SORL1: variants seen among roughly 807,000 people sequenced by gnomAD.
SORL1 encodes sortilin related receptor 1, also known as sortilin-related receptor.
A neutral mutation model predicts 273.7 loss-of-function variants in SORL1; 127 were observed. The ratio of observed to expected loss-of-function variants is 0.46; its 90% CI spans 0.40 to 0.54. The LOEUF (loss-of-function observed/expected upper bound fraction) is 0.54. Ranked by LOEUF, SORL1 falls within the 20% of genes least tolerant of loss-of-function variation. The probability of loss-of-function intolerance (pLI) is 0.00; values close to 1 mark genes in which losing one functional copy is unlikely to be tolerated. For synonymous variants in SORL1, 1,031 were observed against 1,067.4 expected, an observed-to-expected ratio of 0.97 and a Z score of 0.66; for missense variants, 2,494 against 2,846.1, an observed-to-expected ratio of 0.88 and a Z score of 2.81.
At chr11:121,470,932 G>A (rs966913246) in intron 2 of SORL1, among the ~76,000 whole-genome samples, 22 of 152,030 alleles carry the variant, frequency 1.4e-4, no homozygotes, top group African/African-American at 5.3e-4. Context: ...CAAACAATCC[G>A]CCTGCCTCGG....
chr11:121,605,073 G>A (rs1405813200), intron 33 of SORL1, 40 bp from the exon 34 acceptor site: 2 of 1,577,296 alleles, frequency 1.3e-6, no homozygotes, highest in South Asian at 2.3e-5. Context: ...GCCCAGCCAA[G>A]ATGTAACTTT....
chr11:121,587,539 A>G (rs1455580937), intron 27 of SORL1, among the ~76,000 whole-genome samples: 1 of 152,180 alleles, frequency 6.6e-6, no homozygotes, highest in Non-Finnish European at 1.5e-5. Flanking sequence ...TAAAGGCCCT[A>G]TCTCCAAATA....
Position 121,595,009 on chromosome 11 carries a change from C to T in SORL1, c.4370-614C>T, listed in dbSNP as rs150406312. On this transcript the variant is annotated intron_variant, in intron 31 of 47. Transcript: ENST00000260197. This position sits in a 1 kb window ranked among gnomAD's most constrained non-coding sequence, Gnocchi z 5.1. The stretch of plus-strand genomic sequence containing the variant: ...GACTTCCATATGTAGGTTTAATCCC[C>T]CTTTTATCAGTAGGATATACTTGCT... Among the ~76,000 whole-genome samples, 186 of 152,272 alleles carry T rather than the reference C, an allele frequency of 1.2e-3. 1 individual carries two copies. Among genetic ancestry groups the T allele is most frequent in the African/African-American group, 4.2e-3 (174 of 41,544 alleles).
intron 5 of SORL1, among the ~76,000 whole-genome samples, chr11:121,493,658 C>T (rs932279260): frequency 8.5e-5 from 13 of 152,116 alleles, no homozygotes; most frequent in South Asian, 2.1e-4. Flanking sequence ...TGAGATAGAT[C>T]GTATGTGTGT....
At chr11:121,609,438 A>G (rs980876181) in intron 38 of SORL1, 3 of 152,228 alleles carry the variant, frequency 2.0e-5, no homozygotes, top group East Asian at 1.9e-4. Flanking sequence ...CTGACCACAC[A>G]TACCAAGAAG....
chr11:121,629,691 C>CAAAAAAAAAAAAAAAAA lies in SORL1; in HGVS notation c.*142_*143insAAAAAAAAAAAAAAAAA. 2.4e-6 allele frequency: 1 copy of CAAAAAAAAAAAAAAAAA among 413,610 alleles called. No homozygotes were observed. Among genetic ancestry groups the CAAAAAAAAAAAAAAAAA allele is most frequent in the Non-Finnish European group, 4.2e-6 (1 of 238,472 alleles). The allele number at this position is 413,610 out of a possible 1,614,324, so 25.6% of individuals were successfully genotyped here. A position where few individuals can be genotyped will look rare whatever the true frequency, so the allele number is the denominator to read the frequency against. On this transcript the variant is annotated 3_prime_UTR_variant, in exon 48 of 48. Transcript: ENST00000260197. ...TTTTATATGGGCCAAAAACAAAAAA[C>CAAAAAAAAAAAAAAAAA]AAAAAAAAAAAAAAGGAAAGAAAGG...
intron 11 of SORL1, among the ~76,000 whole-genome samples, chr11:121,525,682 A>T (rs1008165570): frequency 2.6e-5 from 4 of 152,236 alleles, no homozygotes; most frequent in African/African-American, 9.6e-5. Flanking sequence ...ATTATTAATG[A>T]TTCTTTTCAT....
At position 121,452,545 on chromosome 11, in the gene SORL1, G is replaced by T. The variant is rs1244277632; in HGVS notation, c.214G>T (p.Ala72Ser). 1 of 1,498,342 alleles carries T rather than the reference G, an allele frequency of 6.7e-7. No individual in the cohort carries two copies. Among genetic ancestry groups the T allele is most frequent in the Non-Finnish European group, 8.9e-7 (1 of 1,129,720 alleles). 92.8% of individuals were successfully genotyped at this position (1,498,342 alleles called of 1,614,324 possible). A position where few individuals can be genotyped will look rare whatever the true frequency, so the allele number is the denominator to read the frequency against. Residue 72 changes from alanine to serine, a missense_variant, in exon 1 of 48, where the codon GCG (alanine) becomes TCG (serine). By Grantham distance (99) the Ala-to-Ser change is moderately conservative. This residue lies in a region of SORL1 where 175 missense variants were observed against 147.1 expected (regional missense o/e 1.19). Coordinates refer to ENST00000260197, the MANE Select transcript of SORL1 (RefSeq NM_003105.6). The surrounding 1 kb of genome is among the most constrained non-coding windows in gnomAD (Gnocchi z 5.3). ...ARGDARGASR[A>S]DEKPLRRKRS... ...CGGGGATGCCAGGGGGGCGAGCCGC[G>T]CGGACGAGAAGCCGCTCCGGAGGAA...
intron 2 of SORL1, among the ~76,000 whole-genome samples, chr11:121,474,285 T>G (rs373080745): frequency 2.0e-5 from 3 of 151,998 alleles, no homozygotes; most frequent in African/African-American, 7.3e-5. Context: ...TCCGGACTTC[T>G]TGAATCAGAA....
At chr11:121,610,946 A>G (rs1356622211) in intron 38 of SORL1, 130 bp from the exon 39 acceptor site, 2 of 643,390 alleles carry the variant, frequency 3.1e-6, no homozygotes, top group Admixed American at 2.5e-5. Context: ...GATGAGGAAC[A>G]CTGCCAAAGA....
chr11:121,621,064 T>C lies in SORL1; in HGVS notation c.5890T>C (p.Leu1964=). Residue 1964 remains leucine, a splice_region_variant and synonymous_variant, in exon 44 of 48, where the codon TTG becomes CTG. Transcript: ENST00000260197. ...TTCACTTGTTCTTTTTTGGTCCTAG[T>C]TGTATGCAGTTGCAGTCAAAGATCT... ...SPYDSPDQDL[L]YAVAVKDLIR... is the part of the protein sequence containing the mutation. 2.5e-6 allele frequency: 4 copies of C among 1,603,836 alleles called. No individual in the cohort carries two copies. The highest frequency in any genetic ancestry group is 2.2e-5 in the East Asian group (1 of 44,788).
intron 3 of SORL1, 33 bp from the exon 4 acceptor site, chr11:121,487,999 G>T: frequency 6.2e-7 from 1 of 1,610,540 alleles, no homozygotes; most frequent in East Asian, 2.2e-5. Flanking sequence ...TCTGGACAGG[G>T]CCTGCTCTCA....
chr11:121,597,286 G>C (rs1220888056), intron 32 of SORL1, among the ~76,000 whole-genome samples: 2 of 152,220 alleles, frequency 1.3e-5, no homozygotes, highest in Non-Finnish European at 2.9e-5. Flanking sequence ...TGGTTAAGAG[G>C]AAGGAGTGTG....
intron 12 of SORL1, among the ~76,000 whole-genome samples, chr11:121,538,064 C>T (rs1198092193): frequency 6.6e-6 from 1 of 152,162 alleles, no homozygotes; most frequent in African/African-American, 2.4e-5. Flanking sequence ...CCCCAATAGC[C>T]TGAAACATGC....
In SORL1 at chr11:121,596,391, A is replaced by C. The variant is rs1330996389; in HGVS notation, c.4519+619A>C. Among the ~76,000 whole-genome samples, 1 of 152,134 alleles carries C rather than the reference A, an allele frequency of 6.6e-6. No individual in the cohort carries two copies. The highest frequency in any genetic ancestry group is 1.5e-5 in the Non-Finnish European group (1 of 68,020). On this transcript the variant is annotated intron_variant, in intron 32 of 47. Coordinates refer to ENST00000260197, the MANE Select transcript of SORL1 (RefSeq NM_003105.6). The surrounding 1 kb of genome is among the most constrained non-coding windows in gnomAD (Gnocchi z 4.3). ...GGAGGATCTTTGCAGTGAGTGATGG[A>C]GGGAGACACTGGCTTCTGCAAGCGT... is the stretch of plus-strand genomic sequence containing the variant.
intron 35 of SORL1, 88 bp from the exon 36 acceptor site, chr11:121,606,757 G>A (rs912619301): frequency 1.3e-5 from 11 of 857,226 alleles, no homozygotes; most frequent in African/African-American, 3.3e-5. Flanking sequence ...CTGTGGAGTC[G>A]TTCTTGTCCT....
intron 1 of SORL1, among the ~76,000 whole-genome samples, chr11:121,466,678 G>A (rs965873514): frequency 2.0e-5 from 3 of 152,100 alleles, no homozygotes; most frequent in Non-Finnish European, 2.9e-5. Flanking sequence ...TGTCCTGCGC[G>A]CATCCATTCC....
At chr11:121,469,963 C>T in intron 1 of SORL1, 44 bp from the exon 2 acceptor site, 1 of 1,161,528 alleles carries the variant, frequency 8.6e-7, no homozygotes, top group Non-Finnish European at 1.3e-6. Flanking sequence ...TGTGTGTGGC[C>T]ATCACTTATC....
intron 17 of SORL1, 111 bp from the exon 18 acceptor site, chr11:121,555,073 TCTC>T (rs1862556902): frequency 5.2e-6 from 6 of 1,165,000 alleles, no homozygotes; most frequent in Non-Finnish European, 7.1e-6. Flanking sequence ...ACGTAAAACA[TCTC>T]ATCCCTTGCC....
Sources: gnomAD v4.1 joint callset for allele counts (sites outside exome capture counted in the v4.1 genomes callset) on GRCh38, gnomAD v4.1.1 for gene constraint, gnomAD v4.1.1 regional missense constraint, Gnocchi (gnomAD v3.1) non-coding constraint, MANE v1.5 for transcripts, NCBI Gene and HGNC (gene_info 2026-07-23, HGNC 2026-07-21) for gene names.